HERC3: variants seen among roughly 807,000 people sequenced by gnomAD.
HERC3 encodes HECT and RLD domain containing E3 ubiquitin protein ligase 3, also known as probable E3 ubiquitin-protein ligase HERC3.
In HERC3, 58 loss-of-function variants were observed where a neutral mutation model predicts 129.9. That is an observed-to-expected ratio of 0.45 (90% confidence interval 0.36 to 0.56). The LOEUF is 0.56. HERC3 is among the 20% of genes least tolerant of loss of function. The probability of loss-of-function intolerance (pLI) is 0.00; values close to 1 mark genes in which losing one functional copy is unlikely to be tolerated. For synonymous variants in HERC3, 430 were observed against 451.0 expected, an observed-to-expected ratio of 0.95 and a Z score of 0.59; for missense variants, 835 against 1,244.2, an observed-to-expected ratio of 0.67 and a Z score of 4.95.
chr4:88,653,087 A>G lies in HERC3; in HGVS notation c.682A>G (p.Lys228Glu), dbSNP rs916157675. ...CGGGCAGCTAGGGCTCAGTGATGAA[A>G]AAGGTAGGTAAACCCTTCATATGTA... ...NAGQLGLSDE[K>E]DRESPCHVKL... Residue 228 changes from lysine to glutamate, a missense_variant, in exon 6 of 26, where the codon AAA becomes GAA. Transcript: ENST00000402738. The G allele has an allele frequency of 1.9e-6, 3 of 1,614,020 alleles. No homozygotes were observed. Among genetic ancestry groups the G allele is most frequent in the African/African-American group, 2.7e-5 (2 of 75,068 alleles).
intron 3 of HERC3, among the ~76,000 whole-genome samples, chr4:88,618,814 A>G (rs921519919): frequency 1.3e-5 from 2 of 152,214 alleles, no homozygotes; most frequent in Non-Finnish European, 2.9e-5. Context: ...CACTTTATGA[A>G]TTACCATTTA....
At chr4:88,623,867 T>C (rs186402813) in intron 3 of HERC3, among the ~76,000 whole-genome samples, 8,130 of 152,234 alleles carry the variant, frequency 0.053, 468 homozygotes, top group African/African-American at 0.14. Flanking sequence ...GTTTTGACAG[T>C]CATTGAATCA....
At chr4:88,688,437 G>T (rs1206496871) in intron 23 of HERC3, among the ~76,000 whole-genome samples, 1 of 152,152 alleles carries the variant, frequency 6.6e-6, no homozygotes, top group Admixed American at 6.5e-5. Context: ...GGTAGCTCAG[G>T]TAAAGGATGT....
At chr4:88,697,285 T>TCCTCCTCCTCGTCATCCC (rs1553945583) in intron 23 of HERC3, 19 of 1,603,648 alleles carry the variant, frequency 1.2e-5, no homozygotes, top group Non-Finnish European at 1.4e-5. Flanking sequence ...CGCAGCCTCC[T>TCCTCCTCCTCGTCATCCC]CCTCCTCCTC....
At chr4:88,532,072 C>A in the HERC3 span, among the ~76,000 whole-genome samples, 1 of 152,086 alleles carries the variant, frequency 6.6e-6, no homozygotes, top group Non-Finnish European at 1.5e-5. Flanking sequence ...CTACACTGAA[C>A]CCTGACTGGT....
the HERC3 span, among the ~76,000 whole-genome samples, chr4:88,563,027 C>T: frequency 6.6e-6 from 1 of 152,092 alleles, no homozygotes; most frequent in Non-Finnish European, 1.5e-5. Flanking sequence ...ATTTTTTCTA[C>T]ATATGTAAAG....
chr4:88,627,627 G>T (rs904506811), intron 3 of HERC3, among the ~76,000 whole-genome samples: 7 of 152,104 alleles, frequency 4.6e-5, no homozygotes, highest in African/African-American at 1.7e-4. Flanking sequence ...TAGTGGCCGG[G>T]CATGGTGGTT....
chr4:88,567,467 C>T, the HERC3 span, among the ~76,000 whole-genome samples: 3 of 152,034 alleles, frequency 2.0e-5, no homozygotes, highest in Admixed American at 2.0e-4. Flanking sequence ...GTACTTCATT[C>T]TTTCTTATTC....
At chr4:88,524,863 G>C in the HERC3 span, 2 of 151,698 alleles carry the variant, frequency 1.3e-5, no homozygotes, top group African/African-American at 2.4e-5. Context: ...GCATCACTGG[G>C]CATTATCATT....
upstream of HERC3, among the ~76,000 whole-genome samples, chr4:88,589,087 C>T (rs555692967): frequency 2.0e-3 from 306 of 151,838 alleles, 14 homozygotes; most frequent in South Asian, 0.06. Context: ...TATGTGCACG[C>T]GTGTGTGCGT....
At chr4:88,621,439 T>C (rs1215811136) in intron 3 of HERC3, among the ~76,000 whole-genome samples, 3 of 152,206 alleles carry the variant, frequency 2.0e-5, no homozygotes, top group Non-Finnish European at 2.9e-5. Flanking sequence ...TGAATGATTA[T>C]ATTGTGAAAC....
chr4:88,533,592 C>T, the HERC3 span, among the ~76,000 whole-genome samples: 15 of 152,168 alleles, frequency 9.9e-5, no homozygotes, highest in East Asian at 5.8e-4. Context: ...GGAAGGGGAC[C>T]GGTGAGAAAC....
chr4:88,530,634 A>T, the HERC3 span, among the ~76,000 whole-genome samples: 1 of 152,186 alleles, frequency 6.6e-6, no homozygotes, highest in African/African-American at 2.4e-5. Flanking sequence ...TGCTAGGCAG[A>T]GATGAGTATG....
At chr4:88,680,338 C>CA in intron 20 of HERC3, 102 bp downstream of exon 20, 1 of 784,878 alleles carries the variant, frequency 1.3e-6, no homozygotes, top group Non-Finnish European at 1.9e-6. Flanking sequence ...GGGAACATAA[C>CA]AAGGATAATA....
intron 3 of HERC3, among the ~76,000 whole-genome samples, chr4:88,632,537 T>C (rs911562385): frequency 6.6e-6 from 1 of 152,192 alleles, no homozygotes; most frequent in Non-Finnish European, 1.5e-5. Flanking sequence ...CTGGCCCAAA[T>C]ACTTGTGAAA....
chr4:88,622,320 C>A (rs1173055285), intron 3 of HERC3, among the ~76,000 whole-genome samples: 1 of 152,160 alleles, frequency 6.6e-6, no homozygotes. Context: ...GTACTTAATT[C>A]TTTCTTATTC....
the HERC3 span, among the ~76,000 whole-genome samples, chr4:88,586,857 A>G: frequency 1.3e-5 from 2 of 152,216 alleles, no homozygotes; most frequent in East Asian, 3.8e-4. Flanking sequence ...TAAGTAGGTA[A>G]GGAAATGAGT....
At chr4:88,595,046 G>T (rs1473891173) in intron 1 of HERC3, among the ~76,000 whole-genome samples, 1 of 140,764 alleles carries the variant, frequency 7.1e-6, no homozygotes, top group Non-Finnish European at 1.5e-5. Flanking sequence ...AGGTTGCAGT[G>T]AGCCGAGATC....
the HERC3 span, among the ~76,000 whole-genome samples, chr4:88,547,666 T>C: frequency 1.3e-5 from 2 of 152,190 alleles, no homozygotes; most frequent in Non-Finnish European, 2.9e-5. Flanking sequence ...TTTTGTTTGT[T>C]TGTTTTTGAG....
Sources: gnomAD v4.1 joint callset for allele counts (sites outside exome capture counted in the v4.1 genomes callset) on GRCh38, gnomAD v4.1.1 for gene constraint, MANE v1.5 for transcripts, NCBI Gene and HGNC (gene_info 2026-07-23, HGNC 2026-07-21) for gene names.